RAB3GAP1: variants seen among roughly 807,000 people sequenced by gnomAD.
The protein encoded by RAB3GAP1 is rab3 GTPase-activating protein catalytic subunit.
RAB3GAP1 carries 86 observed loss-of-function variants against 130.7 expected under a neutral mutation model. The ratio of observed to expected loss-of-function variants is 0.66; its 90% CI spans 0.55 to 0.79. The LOEUF is 0.79. RAB3GAP1 is among the 30% of genes least tolerant of loss of function. The pLI, the probability that RAB3GAP1 is intolerant of heterozygous loss-of-function variation, is 0.00. For synonymous variants in RAB3GAP1, 367 were observed against 401.7 expected, an observed-to-expected ratio of 0.91 and a Z score of 1.03; for missense variants, 1,029 against 1,169.4, an observed-to-expected ratio of 0.88 and a Z score of 1.75.
chr2:135,127,173 T>C (rs1459694038), intron 11 of RAB3GAP1, among the ~76,000 whole-genome samples: 1 of 151,012 alleles, frequency 6.6e-6, no homozygotes, highest in East Asian at 2.0e-4. Context: ...CCGCGCGGCC[T>C]TAAGATGCTT....
chr2:135,147,312 C>A (rs1448642163), intron 17 of RAB3GAP1, among the ~76,000 whole-genome samples: 1 of 149,540 alleles, frequency 6.7e-6, no homozygotes, highest in Non-Finnish European at 1.5e-5. Context: ...CACCGCTGCA[C>A]TTCAGCCTGG....
intron 13 of RAB3GAP1, among the ~76,000 whole-genome samples, chr2:135,132,311 C>T (rs114361366): frequency 0.025 from 3,765 of 152,204 alleles, 83 homozygotes; most frequent in Middle Eastern, 0.16. Flanking sequence ...TTGTCATGTA[C>T]ACTGGATTTT....
At chr2:135,124,138 T>C (rs1392408433) in intron 8 of RAB3GAP1, 27 bp from the exon 9 acceptor site, 2 of 1,598,446 alleles carry the variant, frequency 1.3e-6, no homozygotes, top group Admixed American at 1.7e-5. Flanking sequence ...TTTTCCCAAA[T>C]GATGGAAAAA....
At chr2:135,165,102 A>G (rs1484086148) in intron 23 of RAB3GAP1, 1 of 453,466 alleles carries the variant, frequency 2.2e-6, no homozygotes, top group Non-Finnish European at 4.4e-6. Flanking sequence ...CTCAGCTTGA[A>G]TTATAAATAT....
rs562254962 is a variant in RAB3GAP1, at chr2:135,102,342, A to C, written c.362+8649A>C. On this transcript the variant is annotated intron_variant, in intron 5 of 23. Transcript: ENST00000264158. ...GCGCTAGAGCATCCCGAAGGGACAC[A>C]GCCTTGCAGCTACCTTGAATTTAGC... Among the ~76,000 whole-genome samples the C allele has an allele frequency of 4.1e-4, 62 of 152,358 alleles. No individual in the cohort carries two copies. The East Asian group carries it at 0.012, about 28-fold the overall frequency.
intron 11 of RAB3GAP1, among the ~76,000 whole-genome samples, chr2:135,127,187 CTTTTTTTT>C (rs528853214): frequency 7.5e-6 from 1 of 133,570 alleles, no homozygotes; most frequent in Non-Finnish European, 1.6e-5. Context: ...GATGCTTTTT[CTTTTTTTT>C]TTTTTTTTCC....
chr2:135,064,249 G>A (rs985924884), intron 3 of RAB3GAP1, among the ~76,000 whole-genome samples: 4 of 152,048 alleles, frequency 2.6e-5, no homozygotes, highest in Non-Finnish European at 5.9e-5. Context: ...CATTTGGGGT[G>A]TGTTAGGTCA....
chr2:135,127,975 T>C (rs971297573), intron 11 of RAB3GAP1, among the ~76,000 whole-genome samples: 1 of 152,192 alleles, frequency 6.6e-6, no homozygotes, highest in Non-Finnish European at 1.5e-5. Context: ...ATTTTCTCCT[T>C]TTCTTTATGT....
intron 17 of RAB3GAP1, among the ~76,000 whole-genome samples, chr2:135,149,597 G>A (rs1415718980): frequency 2.0e-5 from 3 of 152,162 alleles, no homozygotes; most frequent in Non-Finnish European, 2.9e-5. Flanking sequence ...AGTGATGCAT[G>A]TTCATTGTAG....
intron 3 of RAB3GAP1, among the ~76,000 whole-genome samples, chr2:135,085,904 C>T (rs1689960412): frequency 6.6e-6 from 1 of 152,084 alleles, no homozygotes; most frequent in Non-Finnish European, 1.5e-5. Context: ...TTTTTGTTAT[C>T]CCAGAAAGAT....
rs1228812327 is a variant in RAB3GAP1, at chr2:135,117,438, TCTTCTTCTTCTTCTTCTG to T, written c.648+2063_648+2080del. 3.5e-3 allele frequency among the ~76,000 whole-genome samples: 396 copies of T among 111,986 alleles called. 13 individuals are homozygous for T. The South Asian group carries it at 0.09, about 25-fold the overall frequency. The allele number at this position is 111,986 out of a possible 152,430, so 73.5% of individuals were successfully genotyped here. ...TTCTTCTTCTTCTTCTTCTTCTTCT[TCTTCTTCTTCTTCTTCTG>T]CTTCTGCTTCTGCTTCTGCTTCTTC... On this transcript the variant is annotated intron_variant, in intron 7 of 23. Transcript: ENST00000264158.
intron 3 of RAB3GAP1, among the ~76,000 whole-genome samples, chr2:135,071,619 C>T (rs545190779): frequency 6.6e-6 from 1 of 152,024 alleles, no homozygotes; most frequent in Non-Finnish European, 1.5e-5. Context: ...AGAAAAGGGG[C>T]TGTCTGCAAA....
chr2:135,067,507 T>C (rs1403635073), intron 3 of RAB3GAP1, among the ~76,000 whole-genome samples: 1 of 152,240 alleles, frequency 6.6e-6, no homozygotes, highest in East Asian at 1.9e-4. Flanking sequence ...TTGGAAGTTT[T>C]GGGAATCTTG....
chr2:135,137,294 T>C (rs1038518788), intron 17 of RAB3GAP1: 6 of 293,952 alleles, frequency 2.0e-5, no homozygotes, highest in African/African-American at 1.3e-4. Flanking sequence ...ATCTGTACTA[T>C]TCTTGAGTAT....
At chr2:135,129,248 C>T (rs1691448939) in intron 11 of RAB3GAP1, among the ~76,000 whole-genome samples, 1 of 151,662 alleles carries the variant, frequency 6.6e-6, no homozygotes, top group Non-Finnish European at 1.5e-5. Flanking sequence ...GTCAGGAGAT[C>T]GAGACCATCC....
chr2:135,117,057 G>C (rs111682526), intron 7 of RAB3GAP1, among the ~76,000 whole-genome samples: 1,660 of 151,916 alleles, frequency 0.011, 34 homozygotes, highest in African/African-American at 0.038. Context: ...AAAAAATAAT[G>C]CATTTACGAG....
At chr2:135,055,549 G>A (rs1449935036) in intron 2 of RAB3GAP1, among the ~76,000 whole-genome samples, 1 of 151,884 alleles carries the variant, frequency 6.6e-6, no homozygotes, top group Non-Finnish European at 1.5e-5. Context: ...ATGGTGATGT[G>A]CACCTGTAGT....
At chr2:135,154,892 A>G (rs1009553649) in intron 19 of RAB3GAP1, among the ~76,000 whole-genome samples, 4 of 152,204 alleles carry the variant, frequency 2.6e-5, no homozygotes, top group Non-Finnish European at 4.4e-5. Context: ...ATCTCCCTCT[A>G]TCCATTAAAG....
chr2:135,087,624 T>C (rs1302516940), intron 3 of RAB3GAP1, among the ~76,000 whole-genome samples: 1 of 152,202 alleles, frequency 6.6e-6, no homozygotes, highest in Admixed American at 6.5e-5. Context: ...AGATAATTTC[T>C]TTTTTTAATT....
Sources: gnomAD v4.1 joint callset for allele counts (sites outside exome capture counted in the v4.1 genomes callset) on GRCh38, gnomAD v4.1.1 for gene constraint, MANE v1.5 for transcripts, NCBI Gene and HGNC (gene_info 2026-07-23, HGNC 2026-07-21) for gene names.